The following NTNG2 variants were observed in gnomAD, a reference collection of about 807,000 sequenced individuals.
NTNG2 encodes netrin G2.
In NTNG2, 15 loss-of-function variants were observed where a neutral mutation model predicts 47.6. The observed-to-expected ratio is 0.32, with a 90% CI of 0.21 to 0.49. The LOEUF is 0.49. Ranked by LOEUF, NTNG2 falls within the 20% of genes least tolerant of loss-of-function variation. NTNG2 has a pLI of 0.99. For missense variants in NTNG2, 578 were observed against 764.6 expected, an observed-to-expected ratio of 0.76 and a Z score of 2.88; for synonymous variants, 307 against 324.6, an observed-to-expected ratio of 0.95 and a Z score of 0.58.
Position 132,199,288 on chromosome 9 carries a change from G to A in NTNG2, c.857+679G>A, listed in dbSNP as rs183333743. Among the ~76,000 whole-genome samples the A allele has an allele frequency of 3.8e-3, 574 of 152,232 alleles. 6 individuals are homozygous for A. Among genetic ancestry groups the A allele is most frequent in the African/African-American group, 0.013 (542 of 41,512 alleles). ...CTCATGTTCAGGGGTTTCCGAGACC[G>A]CCCTCAGGCTCCATGATTCACTAGA... On this transcript the variant is annotated intron_variant, in intron 3 of 7. Transcript: ENST00000393229.
At position 132,235,831 on chromosome 9, in the gene NTNG2, G is replaced by A. The variant is rs546621133; in HGVS notation, c.1055-3273G>A. The stretch of plus-strand genomic sequence containing the variant: ...TAGCAGGTGTGCATGGTGGGGACCT[G>A]AGGTTGGAGGGGGGCCGCAGGAACC... On this transcript the variant is annotated intron_variant, in intron 5 of 7. Coordinates refer to ENST00000393229, the MANE Select transcript of NTNG2 (RefSeq NM_032536.4). Among the ~76,000 whole-genome samples the A allele has an allele frequency of 2.6e-5, 4 of 152,314 alleles. No individual in the cohort carries two copies. The South Asian group carries it at 8.3e-4, about 32-fold the overall frequency.
In NTNG2 at chr9:132,235,211, G is replaced by A. The variant is rs191003799; in HGVS notation, c.1055-3893G>A. Among the ~76,000 whole-genome samples the A allele has an allele frequency of 4.9e-4, 74 of 152,286 alleles. 1 individual carries two copies. Among genetic ancestry groups the A allele is most frequent in the Admixed American group, 2.5e-3 (38 of 15,292 alleles). On this transcript the variant is annotated intron_variant, in intron 5 of 7. Coordinates refer to ENST00000393229, the MANE Select transcript of NTNG2 (RefSeq NM_032536.4). ...GCTGGACAGGAAGGACACCTTCCAG[G>A]ACACTTCTGGACACATGTAAGATCT...
chr9:132,174,875 TCGTC>T (rs1228193222), intron 2 of NTNG2, among the ~76,000 whole-genome samples: 2 of 150,752 alleles, frequency 1.3e-5, no homozygotes, highest in African/African-American at 4.9e-5. Context: ...TGAACTGAGA[TCGTC>T]CCACTGCACT....
chr9:132,181,576 A>G (rs1463368966), intron 2 of NTNG2, among the ~76,000 whole-genome samples: 1 of 152,116 alleles, frequency 6.6e-6, no homozygotes, highest in Non-Finnish European at 1.5e-5. Context: ...CAGCCTCCCA[A>G]AGTGTCGGGA....
At chr9:132,240,399 G>A (rs1032852307) in intron 6 of NTNG2, among the ~76,000 whole-genome samples, 1 of 152,184 alleles carries the variant, frequency 6.6e-6, no homozygotes, top group Admixed American at 6.5e-5. Context: ...GGTTTCTCAG[G>A]GTGGACGATA....
intron 4 of NTNG2, among the ~76,000 whole-genome samples, chr9:132,227,925 A>C (rs945495320): frequency 6.6e-6 from 1 of 152,170 alleles, no homozygotes; most frequent in African/African-American, 2.4e-5. Context: ...GGCCGTTCTC[A>C]AGTGTGTGGT....
intron 3 of NTNG2, among the ~76,000 whole-genome samples, chr9:132,222,568 C>T (rs1713020548): frequency 6.6e-6 from 1 of 152,228 alleles, no homozygotes; most frequent in Non-Finnish European, 1.5e-5. Context: ...GGCCAGGGCT[C>T]TTGCTCTGCC....
At chr9:132,211,532 G>A (rs1589480095) in intron 3 of NTNG2, among the ~76,000 whole-genome samples, 1 of 152,196 alleles carries the variant, frequency 6.6e-6, no homozygotes, top group East Asian at 1.9e-4. Flanking sequence ...CCTGGGCTCT[G>A]AGACTCCCAA....
intron 3 of NTNG2, among the ~76,000 whole-genome samples, chr9:132,205,751 G>A (rs1373546815): frequency 2.6e-5 from 4 of 151,972 alleles, no homozygotes; most frequent in African/African-American, 9.7e-5. Context: ...TGTGGGAGCG[G>A]GTGCCTGTAA....
At chr9:132,203,644 C>G (rs1029454634) in intron 3 of NTNG2, among the ~76,000 whole-genome samples, 1 of 152,200 alleles carries the variant, frequency 6.6e-6, no homozygotes, top group East Asian at 1.9e-4. Context: ...GGGCAGCTCA[C>G]GAGCTGCCAG....
chr9:132,234,909 C>T (rs1841509288), intron 5 of NTNG2, among the ~76,000 whole-genome samples: 2 of 152,248 alleles, frequency 1.3e-5, no homozygotes, highest in South Asian at 4.1e-4. Flanking sequence ...CCACAGCCAC[C>T]GTTGTGTATA....
Position 132,180,338 on chromosome 9 carries a change from A to G in NTNG2, c.213+13294A>G, listed in dbSNP as rs556202576. On this transcript the variant is annotated intron_variant, in intron 2 of 7. Transcript: ENST00000393229. The surrounding 1 kb of genome is among the most constrained non-coding windows in gnomAD (Gnocchi z 4.2). Reference sequence around the variant, plus strand: ...GGCCATCCTCTGCTGCCAGCCTGCAACAGGGCAGTGTCCTTCTGGGAGGTG... The same window carrying G: ...GGCCATCCTCTGCTGCCAGCCTGCAGCAGGGCAGTGTCCTTCTGGGAGGTG... Among the ~76,000 whole-genome samples, 1 of 152,250 alleles carries G rather than the reference A, an allele frequency of 6.6e-6. No individual in the cohort carries two copies. The highest frequency in any genetic ancestry group is 1.9e-4 in the East Asian group (1 of 5,198).
At chr9:132,177,266 C>A (rs368159500) in intron 2 of NTNG2, among the ~76,000 whole-genome samples, 1 of 152,250 alleles carries the variant, frequency 6.6e-6, no homozygotes, top group Non-Finnish European at 1.5e-5. Flanking sequence ...GGACCACAGG[C>A]GTGAGCCACC....
intron 3 of NTNG2, among the ~76,000 whole-genome samples, chr9:132,222,285 G>A (rs890995867): frequency 6.6e-6 from 1 of 152,148 alleles, no homozygotes; most frequent in Non-Finnish European, 1.5e-5. Flanking sequence ...GACCATCTCT[G>A]GGATCTGGCA....
rs932431713 is a variant in NTNG2 at position 132,208,656 on chromosome 9, G to T, written c.857+10047G>T. On this transcript the variant is annotated intron_variant, in intron 3 of 7. Coordinates refer to ENST00000393229, the MANE Select transcript of NTNG2 (RefSeq NM_032536.4). The surrounding 1 kb of genome is among the most constrained non-coding windows in gnomAD (Gnocchi z 4.0). ...CCCAGGCATCTGGCTTTGAGACACT[G>T]GGTGGATGGAAATTTTGCCTTGTCA... 2.5e-4 allele frequency among the ~76,000 whole-genome samples: 38 copies of T among 152,314 alleles called. No individual in the cohort carries two copies. Among genetic ancestry groups the T allele is most frequent in the Admixed American group, 2.2e-3 (33 of 15,310 alleles).
At chr9:132,170,249 C>G (rs533254631) in intron 2 of NTNG2, among the ~76,000 whole-genome samples, 1 of 152,296 alleles carries the variant, frequency 6.6e-6, no homozygotes, top group East Asian at 1.9e-4. Flanking sequence ...TAAATTCCAG[C>G]CTTGCAAGGA....
intron 5 of NTNG2, among the ~76,000 whole-genome samples, 173 bp downstream of exon 5, chr9:132,230,768 C>A (rs1454623001): frequency 1.4e-5 from 2 of 146,370 alleles, no homozygotes; most frequent in African/African-American, 5.0e-5. Flanking sequence ...CCCCCCTCCA[C>A]CTCCCCCCCT....
intron 7 of NTNG2, among the ~76,000 whole-genome samples, 166 bp downstream of exon 7, chr9:132,241,210 C>G (rs576187039): frequency 1.3e-5 from 1 of 76,256 alleles, no homozygotes; most frequent in Non-Finnish European, 2.7e-5. Flanking sequence ...GGGGAAGAGG[C>G]GGTGGGCGGG....
Position 132,213,140 on chromosome 9 carries a change from G to A in NTNG2, c.858-13709G>A, listed in dbSNP as rs146802508. ...GCCTGGCCAACATAGTAAAACCCTC[G>A]TCTCTACTAAAAATACAAAAATAAA... On this transcript the variant is annotated intron_variant, in intron 3 of 7. Coordinates refer to ENST00000393229, the MANE Select transcript of NTNG2 (RefSeq NM_032536.4). Among the ~76,000 whole-genome samples, 828 of 152,048 alleles carry A rather than the reference G, an allele frequency of 5.4e-3. 6 individuals are homozygous for A. Among genetic ancestry groups the A allele is most frequent in the African/African-American group, 0.018 (746 of 41,502 alleles).
Sources: gnomAD v4.1 joint callset for allele counts (sites outside exome capture counted in the v4.1 genomes callset) on GRCh38, gnomAD v4.1.1 for gene constraint, Gnocchi (gnomAD v3.1) non-coding constraint, MANE v1.5 for transcripts, NCBI Gene and HGNC (gene_info 2026-07-23, HGNC 2026-07-21) for gene names.